The following FBN3 variants were observed in gnomAD, a reference collection of about 807,000 sequenced individuals.
The protein encoded by FBN3 is fibrillin-3.
A neutral mutation model predicts 330.1 loss-of-function variants in FBN3; 234 were observed. The observed-to-expected ratio is 0.71, with a 90% CI of 0.64 to 0.79. The LOEUF (loss-of-function observed/expected upper bound fraction) is 0.79. FBN3 is among the 30% of genes least tolerant of loss of function. The pLI, the probability that FBN3 is intolerant of heterozygous loss-of-function variation, is 0.00. For missense variants in FBN3, 3,606 were observed against 3,886.9 expected (o/e 0.93, Z 1.92); for synonymous variants, 1,458 against 1,517.3 (o/e 0.96, Z 0.91).
chr19:8,140,606 T>C (rs904443194), intron 8 of FBN3, among the ~76,000 whole-genome samples: 7 of 152,166 alleles, frequency 4.6e-5, no homozygotes, highest in Non-Finnish European at 1.0e-4. Flanking sequence ...ACTCCCCAAA[T>C]GATATCTTAC....
chr19:8,070,959 T>C (rs2081498110), intron 63 of FBN3, among the ~76,000 whole-genome samples: 1 of 151,200 alleles, frequency 6.6e-6, no homozygotes, highest in Non-Finnish European at 1.5e-5. Flanking sequence ...GAGGCAGAGA[T>C]TGCGGTCAGC....
At chr19:8,113,841 CAA>C (rs34470005) in intron 30 of FBN3, among the ~76,000 whole-genome samples, 2 of 117,834 alleles carry the variant, frequency 1.7e-5, no homozygotes, top group East Asian at 2.5e-4. Context: ...ACTATCTCTA[CAA>C]AAAAAAAAAA....
intron 57 of FBN3, among the ~76,000 whole-genome samples, chr19:8,081,743 C>T (rs1198046875): frequency 6.6e-6 from 1 of 152,202 alleles, no homozygotes; most frequent in Non-Finnish European, 1.5e-5. Context: ...TGGCTGTGTG[C>T]TAATAAAACT....
chr19:8,066,265 G>A lies in FBN3; in HGVS notation c.8089-5C>T. ...GTCAAGGGTGGCCAGGTTCACCTGG[G>A]AAGAAAGGCCAGGTGTGTGGTCAGA... On this transcript the variant is annotated splice_polypyrimidine_tract_variant and splice_region_variant and intron_variant, in intron 63 of 63. Transcript: ENST00000600128. The A allele has an allele frequency of 1.3e-6, 2 of 1,533,528 alleles. No homozygotes were observed. Among genetic ancestry groups the A allele is most frequent in the Non-Finnish European group, 1.8e-6 (2 of 1,136,044 alleles). 95.0% of individuals were successfully genotyped at this position (1,533,528 alleles called of 1,614,324 possible).
rs962960792 is a variant in FBN3, at chr19:8,149,113, C to A, written c.-18+336G>T. Among the ~76,000 whole-genome samples, 2 of 152,140 alleles carry A rather than the reference C, an allele frequency of 1.3e-5. No individual in the cohort carries two copies. Among genetic ancestry groups the A allele is most frequent in the Non-Finnish European group, 2.9e-5 (2 of 68,002 alleles). The stretch of plus-strand genomic sequence containing the variant: ...GGGCCAAACAGCGAGGGATACCAAG[C>A]TTCGCCGACGGGGAGGGGGCGCCCC... On this transcript the variant is annotated intron_variant, in intron 1 of 63. Coordinates refer to ENST00000600128, the MANE Select transcript of FBN3 (RefSeq NM_032447.5). The surrounding 1 kb of genome is among the most constrained non-coding windows in gnomAD (Gnocchi z 5.5).
In FBN3 at chr19:8,073,226, G is replaced by A. The variant is rs368849172; in HGVS notation, c.7774C>T (p.Arg2592Cys). Residue 2592 changes from arginine to cysteine, a missense_variant, in exon 62 of 64, where the codon CGC becomes TGC. Transcript: ENST00000600128. ...ASCRNTLGGF[R>C]CVCPSGFDFD... ...TCAAAGCCAGAGGGGCAGACGCAGC[G>A]GAAGCCACCAAGAGTGTTGCGACAG... 51 of 1,613,978 alleles carry A rather than the reference G, an allele frequency of 3.2e-5. No homozygotes were observed. Among genetic ancestry groups the A allele is most frequent in the African/African-American group, 5.3e-5 (4 of 74,932 alleles).
At chr19:8,139,282 G>A (rs1313127319) in intron 8 of FBN3, among the ~76,000 whole-genome samples, 1 of 152,190 alleles carries the variant, frequency 6.6e-6, no homozygotes, top group African/African-American at 2.4e-5. Context: ...GGGAGGCAGA[G>A]GTTGTAGTGA....
chr19:8,133,216 G>A, intron 13 of FBN3, 110 bp from the exon 14 acceptor site: 1 of 1,336,096 alleles, frequency 7.5e-7, no homozygotes. Flanking sequence ...TGGAGTGTGG[G>A]AGGCAAACAA....
rs759336128 is a variant in FBN3, at chr19:8,081,058, G to A, written c.7398C>T (p.Gly2466=). 13 of 1,613,318 alleles carry A rather than the reference G, an allele frequency of 8.1e-6. No individual in the cohort carries two copies. The highest frequency in any genetic ancestry group is 6.7e-5 in the Admixed American group (4 of 60,002). Residue 2466 remains glycine (G), a synonymous_variant, in exon 59 of 64, where the codon GGC becomes GGT. Transcript: ENST00000600128. Reference sequence around the variant, plus strand: ...CGGGCGGACAGCGGCAGGTGAAGGCGCCCACAGTGTTGACACAGAGGAACT... The same window carrying A: ...CGGGCGGACAGCGGCAGGTGAAGGCACCCACAGTGTTGACACAGAGGAACT... ...NCQFLCVNTV[G]AFTCRCPPGF...
In FBN3 at chr19:8,065,997, G is replaced by A; in HGVS notation, c.8352C>T (p.Pro2784=). The part of the protein sequence containing the change: ...RLEVVSHMAG[P]WGVQPEGQPG... ...GCTGCCCCTCTGGCTGGACACCCCA[G>A]GGTCCTGCCATGTGGCTCACCACCT... The change falls in exon 64 of 64, where the codon CCC becomes CCT. Residue 2784 remains proline (P), a synonymous_variant. Coordinates refer to ENST00000600128, the MANE Select transcript of FBN3 (RefSeq NM_032447.5). 1 of 1,612,976 alleles carries A rather than the reference G, an allele frequency of 6.2e-7. No homozygotes were observed.
rs1201703164 is a variant in FBN3, at chr19:8,145,833, G to T, written c.445+10C>A. The T allele has an allele frequency of 1.9e-6, 3 of 1,547,704 alleles. No homozygotes were observed. The highest frequency in any genetic ancestry group is 1.2e-5 in the South Asian group (1 of 84,004). The stretch of plus-strand genomic sequence containing the variant: ...GTGTGCAAAGAGGGGAGTCCCATGG[G>T]GATACTCACGCTGCCCACACACGGT... On this transcript the variant is annotated intron_variant, in intron 5 of 63. Transcript: ENST00000600128.
Position 8,133,085 on chromosome 19 carries a change from C to G in FBN3, c.1613G>C (p.Ser538Thr). Residue 538 changes from serine (S) to threonine (T), a missense_variant, in exon 14 of 64, where the codon AGC becomes ACC. Ser to Thr is a moderately conservative substitution (Grantham distance 58). Transcript: ENST00000600128. ...ACACACGCCGTTGACGCACATGGTG[C>G]TGGTGGCACACTCGTTGTGGTCTGG... is the stretch of plus-strand genomic sequence containing the variant. Reference protein sequence around the residue: ...NCVDHNECATSTMCVNGVCLN... With the variant: ...NCVDHNECATTTMCVNGVCLN... 2 of 1,581,004 alleles carry G rather than the reference C, an allele frequency of 1.3e-6. No homozygotes were observed. Among genetic ancestry groups the G allele is most frequent in the Non-Finnish European group, 1.7e-6 (2 of 1,164,600 alleles).
At position 8,129,210 on chromosome 19, in the gene FBN3, A is replaced by T. The variant is rs998871286; in HGVS notation, c.2170+30T>A. The T allele has an allele frequency of 4.3e-6, 7 of 1,612,800 alleles. No individual in the cohort carries two copies. In the Middle Eastern group the frequency reaches 1.2e-3, roughly 269 times the overall value. ...GGGTCTGCAGTGGGAGAGGCTGCCC[A>T]CACATCCGCCCGCCAGGTGGCATGC... On this transcript the variant is annotated intron_variant, in intron 17 of 63. Coordinates refer to ENST00000600128, the MANE Select transcript of FBN3 (RefSeq NM_032447.5). This position sits in a 1 kb window ranked among gnomAD's most constrained non-coding sequence, Gnocchi z 4.5.
At chr19:8,114,828 G>T (rs991718502) in intron 30 of FBN3, among the ~76,000 whole-genome samples, 1 of 151,564 alleles carries the variant, frequency 6.6e-6, no homozygotes, top group Non-Finnish European at 1.5e-5. Flanking sequence ...TGCAAGCTTC[G>T]CCTCCTGGGT....
intron 29 of FBN3, among the ~76,000 whole-genome samples, 170 bp downstream of exon 29, chr19:8,116,504 C>T (rs952651896): frequency 4.6e-5 from 7 of 152,048 alleles, no homozygotes; most frequent in Admixed American, 3.3e-4. Flanking sequence ...TGCTGGGGAC[C>T]CTTATGTGGA....
intron 13 of FBN3, among the ~76,000 whole-genome samples, chr19:8,135,151 G>C (rs1022564332): frequency 2.7e-5 from 4 of 149,136 alleles, no homozygotes; most frequent in Admixed American, 2.7e-4. Context: ...GCTAATTTTT[G>C]GGTTTTCTGT....
At chr19:8,091,618 G>C (rs762120529) in intron 47 of FBN3, 28 bp from the exon 48 acceptor site, 32 of 1,611,508 alleles carry the variant, frequency 2.0e-5, no homozygotes, top group Admixed American at 8.4e-5. Context: ...TGAGCTGGGT[G>C]GGGGGCAAGT....
At chr19:8,148,295 C>G (rs1200166036) in intron 1 of FBN3, among the ~76,000 whole-genome samples, 1 of 152,162 alleles carries the variant, frequency 6.6e-6, no homozygotes, top group African/African-American at 2.4e-5. Context: ...GTTCACTGCT[C>G]CCAGGTCAGG....
chr19:8,138,636 G>T, intron 8 of FBN3, 72 bp from the exon 9 acceptor site: 1 of 1,458,784 alleles, frequency 6.9e-7, no homozygotes, highest in Non-Finnish European at 9.2e-7. Flanking sequence ...AATTCCAGCT[G>T]TAGCAGCACT....
Sources: allele counts gnomAD v4.1 joint callset (sites outside exome capture counted in the v4.1 genomes callset), GRCh38; gene constraint gnomAD v4.1.1; non-coding constraint Gnocchi (gnomAD v3.1); transcripts MANE v1.5; gene names NCBI Gene and HGNC (gene_info 2026-07-23, HGNC 2026-07-21).